RBMS3: variants seen among roughly 807,000 people sequenced by gnomAD.
RBMS3 encodes the protein RNA-binding motif, single-stranded-interacting protein 3.
In RBMS3, 27 loss-of-function variants were observed where a neutral mutation model predicts 66.8. The observed-to-expected ratio is 0.40, with a 90% CI of 0.30 to 0.56. The LOEUF is 0.56. Ranked by LOEUF, RBMS3 falls within the 20% of genes least tolerant of loss-of-function variation. RBMS3 has a pLI of 0.40. For synonymous variants in RBMS3, 188 were observed against 183.0 expected (o/e 1.03, Z -0.22); for missense variants, 513 against 549.5 (o/e 0.93, Z 0.66).
chr3:29,524,825 G>A (rs138158080), intron 3 of RBMS3, among the ~76,000 whole-genome samples: 2,099 of 152,060 alleles, frequency 0.014, 42 homozygotes, highest in African/African-American at 0.047. Flanking sequence ...GGCTGAGGTG[G>A]GTGGGTTGCT....
chr3:29,576,161 G>A (rs979898500), intron 3 of RBMS3, among the ~76,000 whole-genome samples: 1 of 152,056 alleles, frequency 6.6e-6, no homozygotes, highest in Non-Finnish European at 1.5e-5. Flanking sequence ...AGGCTTTCCA[G>A]GTATTTGAAA....
At chr3:29,376,531 G>A (rs938655134) in intron 1 of RBMS3, among the ~76,000 whole-genome samples, 17 of 152,146 alleles carry the variant, frequency 1.1e-4, no homozygotes, top group African/African-American at 3.9e-4. Context: ...AGCACTTTGG[G>A]AGACTGAGGC....
chr3:29,437,578 G>T (rs908405857), intron 2 of RBMS3, among the ~76,000 whole-genome samples: 4 of 152,188 alleles, frequency 2.6e-5, no homozygotes, highest in Non-Finnish European at 5.9e-5. Context: ...TCCTGTTACA[G>T]CAGTGATCTA....
At chr3:29,295,296 CATATATATCTATATATATACAT>C (rs1318564456) in intron 1 of RBMS3, among the ~76,000 whole-genome samples, 5 of 4,438 alleles carry the variant, frequency 1.1e-3, no homozygotes, top group African/African-American at 1.2e-3. Flanking sequence ...TATATATATA[CATATATATCTATATATATACAT>C]ATATATATAC....
At chr3:29,666,041 G>C (rs2050740233) in intron 4 of RBMS3, among the ~76,000 whole-genome samples, 1 of 152,106 alleles carries the variant, frequency 6.6e-6, no homozygotes, top group Non-Finnish European at 1.5e-5. Context: ...GTTCTCTGCT[G>C]TCTGAAAATT....
chr3:29,776,478 C>A (rs1307249571), intron 6 of RBMS3, among the ~76,000 whole-genome samples: 2 of 151,922 alleles, frequency 1.3e-5, no homozygotes, highest in Non-Finnish European at 2.9e-5. Flanking sequence ...AACAAGCCTG[C>A]ATGTTGTGTA....
chr3:29,806,604 A>G (rs2057555862), intron 6 of RBMS3, among the ~76,000 whole-genome samples: 1 of 151,884 alleles, frequency 6.6e-6, no homozygotes, highest in Non-Finnish European at 1.5e-5. Context: ...TAAAATGTAA[A>G]TTTTATGTAG....
chr3:29,785,926 C>T (rs1233773488), intron 6 of RBMS3, among the ~76,000 whole-genome samples: 1 of 151,872 alleles, frequency 6.6e-6, no homozygotes, highest in African/African-American at 2.4e-5. Flanking sequence ...AAGATATGAT[C>T]GTATACCTAG....
At chr3:29,500,838 CTG>C (rs58254082) in intron 3 of RBMS3, among the ~76,000 whole-genome samples, 6,501 of 147,064 alleles carry the variant, frequency 0.044, 204 homozygotes, top group Admixed American at 0.099. Flanking sequence ...GTCAGTACAT[CTG>C]TGTGTGTGTG....
At chr3:29,942,999 G>A (rs2061428544) in intron 11 of RBMS3, among the ~76,000 whole-genome samples, 1 of 151,624 alleles carries the variant, frequency 6.6e-6, no homozygotes. Flanking sequence ...TCATGTGTCT[G>A]GTTTATTTGC....
chr3:29,691,852 A>T (rs2052022715), intron 4 of RBMS3, among the ~76,000 whole-genome samples: 1 of 151,680 alleles, frequency 6.6e-6, no homozygotes, highest in Non-Finnish European at 1.5e-5. Context: ...TGCTCCCAAT[A>T]GTTTATGTGC....
At chr3:29,747,687 T>C (rs994429042) in intron 5 of RBMS3, among the ~76,000 whole-genome samples, 1 of 152,156 alleles carries the variant, frequency 6.6e-6, no homozygotes, top group Non-Finnish European at 1.5e-5. Context: ...AAGGGCAGAA[T>C]TTATTAAGTG....
chr3:29,694,995 T>C (rs1417987871), intron 4 of RBMS3, among the ~76,000 whole-genome samples: 4 of 152,170 alleles, frequency 2.6e-5, no homozygotes, highest in African/African-American at 7.2e-5. Context: ...ACTGCACTTA[T>C]AGGCTGGTGA....
chr3:29,758,587 A>G (rs1464517415), intron 5 of RBMS3, among the ~76,000 whole-genome samples: 1 of 152,136 alleles, frequency 6.6e-6, no homozygotes, highest in Admixed American at 6.6e-5. Flanking sequence ...TCTCTGCTTC[A>G]CTGTTTGGTA....
chr3:29,834,881 T>C (rs2058465633), intron 6 of RBMS3, among the ~76,000 whole-genome samples: 1 of 151,998 alleles, frequency 6.6e-6, no homozygotes, highest in Non-Finnish European at 1.5e-5. Flanking sequence ...TAAATACTAC[T>C]GTCCAAAAAC....
At chr3:29,437,823 T>G (rs2041457247) in intron 2 of RBMS3, among the ~76,000 whole-genome samples, 1 of 152,218 alleles carries the variant, frequency 6.6e-6, no homozygotes, top group South Asian at 2.1e-4. Context: ...GTTTTCTTCA[T>G]TCTAAAATTT....
At chr3:29,900,721 G>C (rs2060232208) in intron 10 of RBMS3, among the ~76,000 whole-genome samples, 1 of 151,752 alleles carries the variant, frequency 6.6e-6, no homozygotes, top group African/African-American at 2.4e-5. Context: ...GATCAAATGA[G>C]AGATCACATG....
intron 6 of RBMS3, among the ~76,000 whole-genome samples, chr3:29,843,098 G>A (rs1377233116): frequency 6.6e-6 from 1 of 152,168 alleles, no homozygotes; most frequent in Admixed American, 6.5e-5. Flanking sequence ...AAGCATCTAT[G>A]ATAGTGCTTA....
At chr3:29,656,929 C>G (rs1576452767) in intron 4 of RBMS3, among the ~76,000 whole-genome samples, 1 of 152,178 alleles carries the variant, frequency 6.6e-6, no homozygotes, top group South Asian at 2.1e-4. Context: ...TATAATGATT[C>G]AGGAAACCAA....
Sources: gnomAD v4.1 joint callset for allele counts (sites outside exome capture counted in the v4.1 genomes callset) on GRCh38, gnomAD v4.1.1 for gene constraint, MANE v1.5 for transcripts, NCBI Gene and HGNC (gene_info 2026-07-23, HGNC 2026-07-21) for gene names.